The following PCDHGB5 variants were observed in gnomAD, a reference collection of about 807,000 sequenced individuals.
PCDHGB5 encodes the protein protocadherin gamma-B5.
A neutral mutation model predicts 62.9 loss-of-function variants in PCDHGB5; 48 were observed. The ratio of observed to expected loss-of-function variants is 0.76; its 90% confidence interval spans 0.61 to 0.97. The LOEUF is 0.97. PCDHGB5 is among the 50% of genes least tolerant of loss of function. The pLI is 0.00. For missense variants in PCDHGB5, 1,118 were observed against 1,198.6 expected, an observed-to-expected ratio of 0.93 and a Z score of 0.99; for synonymous variants, 474 against 511.2, an observed-to-expected ratio of 0.93 and a Z score of 0.98.
In PCDHGB5 at chr5:141,432,973, G is replaced by T. The variant is rs150572360; in HGVS notation, c.2397+32449G>T. The T allele has an allele frequency of 3.7e-6, 6 of 1,614,096 alleles. 1 individual carries two copies. The highest frequency in any genetic ancestry group is 1.7e-5 in the Admixed American group (1 of 60,014). Reference sequence around the variant, plus strand: ...GCGGCTTGACAGGAGCGCCGGCGTCGCACTTTGTGGGCGTGGACGGGGTGC... The same window carrying T: ...GCGGCTTGACAGGAGCGCCGGCGTCTCACTTTGTGGGCGTGGACGGGGTGC... On this transcript the variant is annotated intron_variant, in intron 1 of 3. Coordinates refer to ENST00000617380, the MANE Select transcript of PCDHGB5 (RefSeq NM_018925.3). This position sits in a 1 kb window ranked among gnomAD's most constrained non-coding sequence, Gnocchi z 6.0.
intron 1 of PCDHGB5, chr5:141,408,154 A>T: frequency 6.6e-7 from 1 of 1,510,630 alleles, no homozygotes; most frequent in Non-Finnish European, 8.9e-7. Context: ...GGTAGAGTGC[A>T]CTTTCTCCAA....
chr5:141,437,728 A>T (rs1236819934), intron 1 of PCDHGB5, among the ~76,000 whole-genome samples: 1 of 150,908 alleles, frequency 6.6e-6, no homozygotes, highest in Non-Finnish European at 1.5e-5. Context: ...CTAATGTTAC[A>T]CTTTGAGTTC....
intron 1 of PCDHGB5, among the ~76,000 whole-genome samples, chr5:141,439,537 C>T (rs1404605731): frequency 6.6e-6 from 1 of 152,206 alleles, no homozygotes; most frequent in African/African-American, 2.4e-5. Flanking sequence ...GAACGCTGTC[C>T]TCTCATTTCT....
chr5:141,439,588 T>C (rs2098121813), intron 1 of PCDHGB5, among the ~76,000 whole-genome samples: 2 of 152,200 alleles, frequency 1.3e-5, no homozygotes, highest in South Asian at 4.1e-4. Flanking sequence ...AGTGCCACTG[T>C]TGGCCAGTCT....
rs779735897 is a variant in PCDHGB5 at position 141,422,336 on chromosome 5, TA to T, written c.2397+21815del. 34 of 1,550,032 alleles carry T rather than the reference TA, an allele frequency of 2.2e-5. No individual in the cohort carries two copies. The East Asian group carries it at 7.2e-4, about 33-fold the overall frequency. On this transcript the variant is annotated intron_variant, in intron 1 of 3. Coordinates refer to ENST00000617380, the MANE Select transcript of PCDHGB5 (RefSeq NM_018925.3). ...CCTCCAGGTACAGTGATTGCTCTTC[TA>T]AATGTGCAAGATCAAGATTCTGGAG... is the stretch of plus-strand genomic sequence containing the variant.
chr5:141,487,709 A>G lies in PCDHGB5; in HGVS notation c.2398-7098A>G. On this transcript the variant is annotated intron_variant, in intron 1 of 3. Coordinates refer to ENST00000617380, the MANE Select transcript of PCDHGB5 (RefSeq NM_018925.3). This position sits in a 1 kb window ranked among gnomAD's most constrained non-coding sequence, Gnocchi z 5.0. ...CCTAGAGAGTACTGGCCTCTCAGTA[A>G]GTGCCCATAGTGATGTCACCATTTT... is the stretch of plus-strand genomic sequence containing the variant. 6.3e-7 allele frequency: 1 copy of G among 1,586,184 alleles called. No individual in the cohort carries two copies. Among genetic ancestry groups the G allele is most frequent in the South Asian group, 1.1e-5 (1 of 87,958 alleles).
intron 1 of PCDHGB5, among the ~76,000 whole-genome samples, chr5:141,449,560 GC>G (rs1487612909): frequency 6.9e-6 from 1 of 145,056 alleles, no homozygotes; most frequent in Non-Finnish European, 1.5e-5. Flanking sequence ...CTGCACTCCA[GC>G]CTGGGCGACA....
intron 1 of PCDHGB5, among the ~76,000 whole-genome samples, chr5:141,492,418 C>T (rs1428695013): frequency 2.0e-5 from 3 of 152,236 alleles, no homozygotes; most frequent in Admixed American, 1.3e-4. Flanking sequence ...CCGCTCCCTC[C>T]GCCGGGCTCA....
intron 1 of PCDHGB5, chr5:141,404,933 A>C (rs2094586796): frequency 6.2e-7 from 1 of 1,613,764 alleles, no homozygotes; most frequent in Non-Finnish European, 8.5e-7. Flanking sequence ...TGTCACGCTC[A>C]CAGTAGCCAT....
At chr5:141,430,784 G>T in intron 1 of PCDHGB5, 1 of 1,512,418 alleles carries the variant, frequency 6.6e-7, no homozygotes, top group East Asian at 2.3e-5. Flanking sequence ...ACTGCACCGG[G>T]ACTACAAAGG....
intron 1 of PCDHGB5, among the ~76,000 whole-genome samples, chr5:141,401,410 A>C (rs536817103): frequency 6.6e-6 from 1 of 152,236 alleles, no homozygotes; most frequent in South Asian, 2.1e-4. Flanking sequence ...TGAGAGAGAA[A>C]GAGAGAGACT....
intron 1 of PCDHGB5, among the ~76,000 whole-genome samples, chr5:141,462,574 C>T (rs1308899602): frequency 2.0e-5 from 3 of 152,036 alleles, no homozygotes; most frequent in Non-Finnish European, 4.4e-5. Context: ...TTGCTAATCC[C>T]ATCCAGTGAA....
rs1286991812 is a variant in PCDHGB5 at position 141,432,170 on chromosome 5, C to T, written c.2397+31646C>T. The T allele has an allele frequency of 1.2e-6, 2 of 1,614,072 alleles. No homozygotes were observed. The highest frequency in any genetic ancestry group is 1.7e-6 in the Non-Finnish European group (2 of 1,180,036). ...AGAGAACAATCCCAGAGGAGTTTCC[C>T]TCGTCTCTGTGACCGCCCACGACCC... On this transcript the variant is annotated intron_variant, in intron 1 of 3. Coordinates refer to ENST00000617380, the MANE Select transcript of PCDHGB5 (RefSeq NM_018925.3). This position sits in a 1 kb window ranked among gnomAD's most constrained non-coding sequence, Gnocchi z 6.0.
chr5:141,418,125 G>A (rs765373450), intron 1 of PCDHGB5: 2 of 1,614,086 alleles, frequency 1.2e-6, no homozygotes, highest in Middle Eastern at 1.7e-4. Flanking sequence ...GTGAAGGACC[G>A]AATAGACCGT....
At chr5:141,470,025 A>T (rs2099219670) in intron 1 of PCDHGB5, among the ~76,000 whole-genome samples, 1 of 152,156 alleles carries the variant, frequency 6.6e-6, no homozygotes, top group African/African-American at 2.4e-5. Context: ...GCTACTCGGG[A>T]TGCTGAGGCG....
intron 1 of PCDHGB5, chr5:141,479,468 T>C (rs1473966646): frequency 1.3e-5 from 2 of 152,248 alleles, no homozygotes; most frequent in African/African-American, 4.8e-5. Context: ...TACAGTGACC[T>C]CTTGGGAGGG....
chr5:141,428,082 G>A lies in PCDHGB5; in HGVS notation c.2397+27558G>A, dbSNP rs776612130. 2.5e-6 allele frequency: 4 copies of A among 1,609,030 alleles called. No individual in the cohort carries two copies. In the African/African-American group the frequency reaches 5.3e-5, roughly 21 times the overall value. On this transcript the variant is annotated intron_variant, in intron 1 of 3. Transcript: ENST00000617380. ...GGTGGACGCAGATTCGGGACACAACGCTTGGCTGTCCTACCACGTGCTGCA... is the reference window on the plus strand; with the variant it reads ...GGTGGACGCAGATTCGGGACACAACACTTGGCTGTCCTACCACGTGCTGCA...
In PCDHGB5 at chr5:141,510,353, C is replaced by G. The variant is rs74759939; in HGVS notation, c.2546-594C>G. On this transcript the variant is annotated intron_variant, in intron 3 of 3. Transcript: ENST00000617380. ...CACCCCCACCCCACACACTTACTAA[C>G]GGAACTACCGAATCTCTACTCGTGC... is the stretch of plus-strand genomic sequence containing the variant. Among the ~76,000 whole-genome samples the G allele has an allele frequency of 1.9e-4, 28 of 146,588 alleles. No homozygotes were observed. The East Asian group carries it at 5.6e-3, about 29-fold the overall frequency.
chr5:141,490,405 ATC>A lies in PCDHGB5; in HGVS notation c.2398-4397_2398-4396del, dbSNP rs765446736. 1 of 1,614,142 alleles carries A rather than the reference ATC, an allele frequency of 6.2e-7. No individual in the cohort carries two copies. The highest frequency in any genetic ancestry group is 8.5e-7 in the Non-Finnish European group (1 of 1,180,028). ...TAGAAATGGTGAAGTGAGCCTTGATATCTCTCCGGACCTGCCATTTCAGATTA... is the reference window on the plus strand; with the variant it reads ...TAGAAATGGTGAAGTGAGCCTTGATATCTCCGGACCTGCCATTTCAGATTA... On this transcript the variant is annotated intron_variant, in intron 1 of 3. Transcript: ENST00000617380. The surrounding 1 kb of genome is among the most constrained non-coding windows in gnomAD (Gnocchi z 5.4).
Sources: gnomAD v4.1 joint callset for allele counts (sites outside exome capture counted in the v4.1 genomes callset) on GRCh38, gnomAD v4.1.1 for gene constraint, Gnocchi (gnomAD v3.1) non-coding constraint, MANE v1.5 for transcripts, NCBI Gene and HGNC (gene_info 2026-07-23, HGNC 2026-07-21) for gene names.